The following APBB2 variants were observed in gnomAD, a reference collection of about 807,000 sequenced individuals.
The protein encoded by APBB2 is Fe65-like 1.
In APBB2, 38 loss-of-function variants were observed where a neutral mutation model predicts 82.5. The observed-to-expected ratio is 0.46, with a 90% CI of 0.36 to 0.60. The LOEUF (loss-of-function observed/expected upper bound fraction) is 0.60. Among genes scored for constraint, APBB2 ranks in the 20% least tolerant of loss-of-function variants. The probability of loss-of-function intolerance (pLI) is 0.00; values close to 1 mark genes in which losing one functional copy is unlikely to be tolerated. For missense variants in APBB2, 772 were observed against 972.3 expected (o/e 0.79, Z 2.74); for synonymous variants, 341 against 368.2 (o/e 0.93, Z 0.85).
intron 3 of APBB2, among the ~76,000 whole-genome samples, chr4:41,090,731 T>C (rs1741396885): frequency 1.3e-5 from 2 of 152,200 alleles, no homozygotes; most frequent in African/African-American, 2.4e-5. Flanking sequence ...ACAGCAGGCA[T>C]AGCTAGGATT....
chr4:41,123,353 T>C (rs1424106389), intron 2 of APBB2, among the ~76,000 whole-genome samples: 1 of 152,120 alleles, frequency 6.6e-6, no homozygotes, highest in Non-Finnish European at 1.5e-5. Flanking sequence ...TTCTTAATGG[T>C]TGTGGCTCAA....
chr4:41,176,620 C>G (rs1259663070), intron 1 of APBB2, among the ~76,000 whole-genome samples: 1 of 152,026 alleles, frequency 6.6e-6, no homozygotes, highest in East Asian at 1.9e-4. Flanking sequence ...GGCCGTAAAC[C>G]AAAGTAATCC....
At position 40,906,381 on chromosome 4, in the gene APBB2, A is replaced by G. The variant is rs183298724; in HGVS notation, c.1255-12970T>C. Among the ~76,000 whole-genome samples, 1,161 of 145,130 alleles carry G rather than the reference A, an allele frequency of 8.0e-3. 17 individuals carry two copies. The highest frequency in any genetic ancestry group is 0.028 in the African/African-American group (1,103 of 39,516). ...TGAGGTGAGAGGATGAGGCAGGAGA[A>G]TGGCTTGACTGGGAGGCAGAGGCTA... On this transcript the variant is annotated intron_variant, in intron 10 of 17. Coordinates refer to ENST00000508593, the MANE Select transcript of APBB2 (RefSeq NM_004307.2).
intron 4 of APBB2, among the ~76,000 whole-genome samples, chr4:41,062,837 T>C (rs1301440418): frequency 1.3e-5 from 2 of 152,134 alleles, no homozygotes; most frequent in African/African-American, 4.8e-5. Context: ...CTAAAGAGCT[T>C]TTAGTAAGAA....
intron 1 of APBB2, among the ~76,000 whole-genome samples, chr4:41,143,832 T>C (rs573924745): frequency 6.6e-6 from 1 of 152,302 alleles, no homozygotes; most frequent in African/African-American, 2.4e-5. Context: ...AACAAGTAAA[T>C]CATAAATATT....
chr4:41,202,166 A>C (rs1261932135), intron 1 of APBB2, among the ~76,000 whole-genome samples: 1 of 152,234 alleles, frequency 6.6e-6, no homozygotes, highest in Non-Finnish European at 1.5e-5. Context: ...TTCGTCTTCA[A>C]AACTTTTCGT....
intron 4 of APBB2, among the ~76,000 whole-genome samples, chr4:41,043,071 C>A (rs1208055320): frequency 6.6e-6 from 1 of 152,118 alleles, no homozygotes; most frequent in Non-Finnish European, 1.5e-5. Context: ...TTACACAGGG[C>A]TGTCTTGATT....
At chr4:41,152,932 T>C (rs1280779993) in intron 1 of APBB2, among the ~76,000 whole-genome samples, 1 of 152,202 alleles carries the variant, frequency 6.6e-6, no homozygotes, top group African/African-American at 2.4e-5. Context: ...GAGTATTCCT[T>C]ATCCACAATG....
At chr4:41,025,911 C>T (rs1490947467) in intron 5 of APBB2, among the ~76,000 whole-genome samples, 2 of 128,370 alleles carry the variant, frequency 1.6e-5, no homozygotes, top group African/African-American at 6.0e-5. Context: ...CACTTCACTC[C>T]AGCCTGGGCG....
intron 1 of APBB2, among the ~76,000 whole-genome samples, chr4:41,188,552 C>G (rs188639976): frequency 6.6e-6 from 1 of 152,186 alleles, no homozygotes; most frequent in African/African-American, 2.4e-5. Flanking sequence ...AGATGGCCAT[C>G]TATGAGCCAG....
intron 12 of APBB2, among the ~76,000 whole-genome samples, chr4:40,853,958 G>T (rs1418386808): frequency 6.6e-6 from 1 of 152,052 alleles, no homozygotes; most frequent in Admixed American, 6.6e-5. Context: ...TGTTTTTCCG[G>T]CTTATCTCCT....
At chr4:40,883,404 C>G (rs988534243) in intron 12 of APBB2, among the ~76,000 whole-genome samples, 10 of 151,936 alleles carry the variant, frequency 6.6e-5, no homozygotes, top group Non-Finnish European at 1.2e-4. Flanking sequence ...CTGACCAACA[C>G]GGCGAAACCC....
At chr4:41,120,644 G>A (rs1752529145) in intron 2 of APBB2, among the ~76,000 whole-genome samples, 2 of 152,178 alleles carry the variant, frequency 1.3e-5, no homozygotes. Flanking sequence ...TTGAGAAAAT[G>A]TGCCACGATA....
chr4:40,897,617 C>G (rs1379365190), intron 10 of APBB2, among the ~76,000 whole-genome samples: 3 of 152,096 alleles, frequency 2.0e-5, no homozygotes, highest in African/African-American at 7.2e-5. Context: ...TAACCCTGCT[C>G]TTGTTTTAAT....
chr4:41,035,789 A>C (rs1481523991), intron 4 of APBB2, among the ~76,000 whole-genome samples: 1 of 152,156 alleles, frequency 6.6e-6, no homozygotes, highest in African/African-American at 2.4e-5. Flanking sequence ...TTTCCTTGTC[A>C]TTATTCCTTC....
chr4:40,938,167 C>A (rs1785862631), intron 7 of APBB2, among the ~76,000 whole-genome samples: 1 of 152,242 alleles, frequency 6.6e-6, no homozygotes, highest in South Asian at 2.1e-4. Flanking sequence ...CAGCTAAAGC[C>A]TTGCACAGCT....
intron 2 of APBB2, among the ~76,000 whole-genome samples, chr4:41,138,504 T>C (rs1337089759): frequency 6.3e-3 from 5 of 800 alleles, no homozygotes; most frequent in African/African-American, 8.3e-3. Flanking sequence ...TATCAGACTA[T>C]ATACAAAAGA....
In APBB2 at chr4:40,963,350, G is replaced by A. The variant is rs141841296; in HGVS notation, c.836-18277C>T. Among the ~76,000 whole-genome samples, 13 of 152,106 alleles carry A rather than the reference G, an allele frequency of 8.5e-5. No homozygotes were observed. The East Asian group carries it at 1.4e-3, about 16-fold the overall frequency. Reference sequence around the variant, plus strand: ...CAGCTTCAAACTCCTGGGCTCAAGCGATCTTCCCACCTCAGCTTCCTGAGT... The same window carrying A: ...CAGCTTCAAACTCCTGGGCTCAAGCAATCTTCCCACCTCAGCTTCCTGAGT... On this transcript the variant is annotated intron_variant, in intron 6 of 17. Coordinates refer to ENST00000508593, the MANE Select transcript of APBB2 (RefSeq NM_004307.2).
chr4:41,084,888 G>A (rs939878080), intron 3 of APBB2, among the ~76,000 whole-genome samples: 1 of 152,070 alleles, frequency 6.6e-6, no homozygotes, highest in African/African-American at 2.4e-5. Flanking sequence ...AAGCCTGAAC[G>A]AGATTCTCAG....
Sources: allele counts gnomAD v4.1 joint callset (sites outside exome capture counted in the v4.1 genomes callset), GRCh38; gene constraint gnomAD v4.1.1; transcripts MANE v1.5; gene names NCBI Gene and HGNC (gene_info 2026-07-23, HGNC 2026-07-21).